Variants in VTI1A observed in about 807,000 individuals in gnomAD.
The protein encoded by VTI1A is vesicle transport through interaction with t-SNAREs homolog 1A.
In VTI1A, 22 loss-of-function variants were observed where a neutral mutation model predicts 34.9. The ratio of observed to expected loss-of-function variants is 0.63; its 90% CI spans 0.45 to 0.90. The LOEUF is 0.90. Among genes scored for constraint, VTI1A ranks in the 40% least tolerant of loss-of-function variants. The pLI is 0.00. For synonymous variants in VTI1A, 87 were observed against 97.3 expected (o/e 0.89, Z 0.62); for missense variants, 268 against 275.6 (o/e 0.97, Z 0.20).
At chr10:112,544,038 A>C (rs1390680402) in intron 5 of VTI1A, among the ~76,000 whole-genome samples, 2 of 152,062 alleles carry the variant, frequency 1.3e-5, no homozygotes, top group Non-Finnish European at 2.9e-5. Context: ...ATTGGTCTAT[A>C]TCTCTGTTTT....
chr10:112,564,402 T>A, intron 5 of VTI1A, among the ~76,000 whole-genome samples: 1 of 151,862 alleles, frequency 6.6e-6, no homozygotes. Context: ...ATAGTCAATG[T>A]CAAATTGATC....
At chr10:112,548,798 T>C in intron 5 of VTI1A, 12 of 1,497,944 alleles carry the variant, frequency 8.0e-6, no homozygotes, top group Non-Finnish European at 9.9e-6. Context: ...CCAGGAACCA[T>C]ACCAACAATG....
chr10:112,849,341 GCT>G, the VTI1A span, among the ~76,000 whole-genome samples: 1 of 152,224 alleles, frequency 6.6e-6, no homozygotes, highest in Non-Finnish European at 1.5e-5. Context: ...CCGCAGTGGG[GCT>G]CTCTCTGCCT....
At chr10:112,844,690 C>T in the VTI1A span, among the ~76,000 whole-genome samples, 3 of 152,148 alleles carry the variant, frequency 2.0e-5, no homozygotes, top group South Asian at 2.1e-4. Flanking sequence ...TGAGCCACCA[C>T]GCCTGGCGTG....
At chr10:112,802,967 A>G (rs974503725) in intron 7 of VTI1A, among the ~76,000 whole-genome samples, 3 of 152,330 alleles carry the variant, frequency 2.0e-5, no homozygotes, top group Middle Eastern at 3.4e-3. Context: ...GTTTTAAGAA[A>G]AAAGCTACTT....
intron 5 of VTI1A, among the ~76,000 whole-genome samples, chr10:112,619,066 T>TG (rs1554922837): frequency 1.3e-5 from 2 of 151,672 alleles, no homozygotes; most frequent in East Asian, 1.9e-4. Context: ...AAACACAGTT[T>TG]TTTTTTTTTT....
chr10:112,708,543 A>G (rs1203798644), intron 7 of VTI1A, among the ~76,000 whole-genome samples: 1 of 152,240 alleles, frequency 6.6e-6, no homozygotes, highest in Non-Finnish European at 1.5e-5. Context: ...TGCCAGCTAC[A>G]TATTTGACAA....
At chr10:112,672,828 C>G (rs1305627085) in intron 7 of VTI1A, 1 of 152,136 alleles carries the variant, frequency 6.6e-6, no homozygotes, top group Non-Finnish European at 1.5e-5. Context: ...AATCATGATT[C>G]TATTTCCTTT....
At chr10:112,784,200 T>G (rs1852217510) in intron 7 of VTI1A, among the ~76,000 whole-genome samples, 1 of 152,206 alleles carries the variant, frequency 6.6e-6, no homozygotes, top group South Asian at 2.1e-4. Context: ...AATAGCAGAT[T>G]CCCCGTGTGT....
At chr10:112,777,995 G>T (rs1429119760) in intron 7 of VTI1A, among the ~76,000 whole-genome samples, 1 of 152,078 alleles carries the variant, frequency 6.6e-6, no homozygotes, top group Non-Finnish European at 1.5e-5. Context: ...CCAGCTACTC[G>T]AGAGGCTGAG....
At chr10:112,712,010 A>C (rs1849433953) in intron 7 of VTI1A, among the ~76,000 whole-genome samples, 1 of 152,332 alleles carries the variant, frequency 6.6e-6, no homozygotes, top group Admixed American at 6.5e-5. Context: ...ATGACTCTTC[A>C]TGGCTGCCCA....
intron 7 of VTI1A, among the ~76,000 whole-genome samples, chr10:112,692,206 T>A (rs929022204): frequency 7.9e-5 from 12 of 152,244 alleles, no homozygotes; most frequent in Non-Finnish European, 1.2e-4. Context: ...TATGTCTCCC[T>A]ATCTGTGCAG....
chr10:112,616,893 A>G (rs1442076700), intron 5 of VTI1A, among the ~76,000 whole-genome samples: 1 of 152,232 alleles, frequency 6.6e-6, no homozygotes, highest in Non-Finnish European at 1.5e-5. Flanking sequence ...GGAGCACACA[A>G]GAGAGGTGTT....
At chr10:112,659,999 C>G (rs570198493) in intron 5 of VTI1A, among the ~76,000 whole-genome samples, 1 of 152,168 alleles carries the variant, frequency 6.6e-6, no homozygotes, top group African/African-American at 2.4e-5. Flanking sequence ...TTTTTTAAAA[C>G]GTTATTCTGG....
At chr10:112,568,047 C>T (rs745885406) in intron 5 of VTI1A, among the ~76,000 whole-genome samples, 1 of 152,024 alleles carries the variant, frequency 6.6e-6, no homozygotes, top group Non-Finnish European at 1.5e-5. Flanking sequence ...ATGTAATGTA[C>T]CCAGATTTCA....
chr10:112,499,267 T>G (rs189678981), intron 3 of VTI1A, among the ~76,000 whole-genome samples: 1 of 152,326 alleles, frequency 6.6e-6, no homozygotes, highest in Admixed American at 6.5e-5. Flanking sequence ...TTTATCTTAC[T>G]TGTCATCTAT....
rs559888106 is a variant in VTI1A at position 112,502,666 on chromosome 10, C to T, written c.265-24421C>T. 3.9e-5 allele frequency among the ~76,000 whole-genome samples: 6 copies of T among 152,266 alleles called. No individual in the cohort carries two copies. In the East Asian group the frequency reaches 5.8e-4, roughly 15 times the overall value. ...ATCTCTCTTCATTTTCTTCCCAACT[C>T]GTGCTTATGACCAGAAGCATGAGCA... On this transcript the variant is annotated intron_variant, in intron 3 of 7. Transcript: ENST00000393077.
chr10:112,797,307 G>T (rs1852706695), intron 7 of VTI1A, among the ~76,000 whole-genome samples: 1 of 152,170 alleles, frequency 6.6e-6, no homozygotes, highest in African/African-American at 2.4e-5. Context: ...ATATGCTTTA[G>T]ATTGTTCGAG....
intron 7 of VTI1A, among the ~76,000 whole-genome samples, chr10:112,713,079 G>T (rs7081196): frequency 2.6e-5 from 4 of 151,858 alleles, no homozygotes; most frequent in South Asian, 2.1e-4. Context: ...GGCCATCAAG[G>T]CTGCCCAGAA....
Sources: gnomAD v4.1 joint callset for allele counts (sites outside exome capture counted in the v4.1 genomes callset) on GRCh38, gnomAD v4.1.1 for gene constraint, MANE v1.5 for transcripts, NCBI Gene and HGNC (gene_info 2026-07-23, HGNC 2026-07-21) for gene names.